Variants in SMPD3 observed in about 807,000 individuals in gnomAD.
SMPD3 encodes the protein nSMase-2.
A neutral mutation model predicts 55.7 loss-of-function variants in SMPD3; 21 were observed. The ratio of observed to expected loss-of-function variants is 0.38; its 90% CI spans 0.27 to 0.54. The LOEUF is 0.54. Among genes scored for constraint, SMPD3 ranks in the 20% least tolerant of loss-of-function variants. The pLI is 0.80. For synonymous variants in SMPD3, 457 were observed against 404.3 expected (o/e 1.13, Z -1.56); for missense variants, 842 against 899.6 (o/e 0.94, Z 0.82).
At chr16:68,402,540 G>C (rs956759482) in intron 1 of SMPD3, among the ~76,000 whole-genome samples, 4 of 152,134 alleles carry the variant, frequency 2.6e-5, no homozygotes, top group Admixed American at 2.6e-4. Flanking sequence ...GTAGTGATTT[G>C]TTATATAGCA....
At chr16:68,387,217 C>A (rs1393843441) in intron 1 of SMPD3, among the ~76,000 whole-genome samples, 1 of 151,984 alleles carries the variant, frequency 6.6e-6, no homozygotes, top group Non-Finnish European at 1.5e-5. Context: ...TTGAGAGGAA[C>A]CAAAGGGATT....
intron 4 of SMPD3, 25 bp downstream of exon 4, chr16:68,364,992 A>G: frequency 1.2e-6 from 2 of 1,614,064 alleles, no homozygotes; most frequent in Non-Finnish European, 1.7e-6. Context: ...TGCCTAGAAA[A>G]AACACAGGTG....
chr16:68,413,212 C>G (rs534607928), intron 1 of SMPD3, among the ~76,000 whole-genome samples: 12 of 152,358 alleles, frequency 7.9e-5, no homozygotes, highest in Admixed American at 7.8e-4. Flanking sequence ...GTCCCATCAG[C>G]TCACTGTGGG....
chr16:68,411,839 T>C (rs1245401153), intron 1 of SMPD3, among the ~76,000 whole-genome samples: 1 of 152,078 alleles, frequency 6.6e-6, no homozygotes, highest in Non-Finnish European at 1.5e-5. Context: ...CATCAAAAAG[T>C]GCTGAAGACT....
At chr16:68,424,360 G>T (rs1218009192) in intron 1 of SMPD3, among the ~76,000 whole-genome samples, 1 of 152,016 alleles carries the variant, frequency 6.6e-6, no homozygotes, top group Non-Finnish European at 1.5e-5. Context: ...GGGGCCGTAG[G>T]GGGAATAAGC....
chr16:68,429,622 G>A (rs903248978), intron 1 of SMPD3, among the ~76,000 whole-genome samples: 2 of 152,218 alleles, frequency 1.3e-5, no homozygotes, highest in African/African-American at 4.8e-5. Context: ...AGCCCAGCTG[G>A]GGAGGGGTGG....
In SMPD3 at chr16:68,360,301, T is replaced by G. The variant is rs1245038128; in HGVS notation, c.*905A>C. The stretch of plus-strand genomic sequence containing the variant: ...AGCTACAAATAGATTATTTTCAAAA[T>G]CAGGATCCCCCCCACCCCCGTTTAT... On this transcript the variant is annotated 3_prime_UTR_variant, in exon 9 of 9. Coordinates refer to ENST00000219334, the MANE Select transcript of SMPD3 (RefSeq NM_018667.4). 1 of 152,276 alleles carries G rather than the reference T, an allele frequency of 6.6e-6. No individual in the cohort carries two copies. Among genetic ancestry groups the G allele is most frequent in the Non-Finnish European group, 1.5e-5 (1 of 68,046 alleles). 9.4% of individuals were successfully genotyped at this position (152,276 alleles called of 1,614,324 possible).
At chr16:68,421,727 TCGACCC>T (rs1165534735) in intron 1 of SMPD3, among the ~76,000 whole-genome samples, 1 of 152,212 alleles carries the variant, frequency 6.6e-6, no homozygotes, top group Non-Finnish European at 1.5e-5. Context: ...ACCATTGAGT[TCGACCC>T]ATTAAAGAGT....
At chr16:68,398,920 C>T (rs991427259) in intron 1 of SMPD3, among the ~76,000 whole-genome samples, 4 of 152,148 alleles carry the variant, frequency 2.6e-5, no homozygotes, top group African/African-American at 4.8e-5. Context: ...TTCTGTTCCC[C>T]GCTCCAGGTC....
At chr16:68,382,862 G>T (rs2089977592) in intron 2 of SMPD3, among the ~76,000 whole-genome samples, 1 of 152,124 alleles carries the variant, frequency 6.6e-6, no homozygotes, top group African/African-American at 2.4e-5. Flanking sequence ...TTGTTTTGGA[G>T]ATGGAGTCTC....
chr16:68,370,874 T>C lies in SMPD3; in HGVS notation c.1308A>G (p.Gly436=). 6.2e-7 allele frequency: 1 copy of C among 1,613,588 alleles called. No homozygotes were observed. The change falls in exon 3 of 9, where the codon GGA becomes GGG. Residue 436 remains glycine, a synonymous_variant. Transcript: ENST00000219334. ...KCNDDALASK[G]ALFLKVQVGS... The stretch of plus-strand genomic sequence containing the variant: ...GGTCTCCTACCTTGAGAAACAGAGC[T>C]CCCTTAGAGGCCAGGGCATCGTCGT...
At chr16:68,366,941 G>A (rs2089496368) in intron 3 of SMPD3, among the ~76,000 whole-genome samples, 1 of 151,814 alleles carries the variant, frequency 6.6e-6, no homozygotes, top group South Asian at 2.1e-4. Flanking sequence ...CTTGGAGGCG[G>A]AGGTCACAGT....
chr16:68,410,760 A>G (rs2090292835), intron 1 of SMPD3, among the ~76,000 whole-genome samples: 1 of 152,252 alleles, frequency 6.6e-6, no homozygotes, highest in Admixed American at 6.5e-5. Flanking sequence ...GACACAGAGA[A>G]GGACTTAAAT....
intron 8 of SMPD3, 127 bp downstream of exon 8, chr16:68,361,476 G>A (rs766680745): frequency 2.1e-6 from 3 of 1,434,902 alleles, no homozygotes; most frequent in Non-Finnish European, 2.9e-6. Context: ...GGGTCTGAGG[G>A]AGTGATGGGT....
chr16:68,435,828 A>G (rs1336118636), intron 1 of SMPD3, among the ~76,000 whole-genome samples: 2 of 152,242 alleles, frequency 1.3e-5, no homozygotes, highest in Non-Finnish European at 2.9e-5. Context: ...TGCACTGGTC[A>G]GTGCTATGGC....
At chr16:68,444,482 C>T (rs1180084362) in intron 1 of SMPD3, among the ~76,000 whole-genome samples, 1 of 151,550 alleles carries the variant, frequency 6.6e-6, no homozygotes, top group African/African-American at 2.4e-5. Context: ...CAAGATTTAC[C>T]AAATCTTAGG....
chr16:68,371,304 C>A lies in SMPD3; in HGVS notation c.878G>T (p.Gly293Val). 1 of 1,600,816 alleles carries A rather than the reference C, an allele frequency of 6.2e-7. No individual in the cohort carries two copies. Among genetic ancestry groups the A allele is most frequent in the Admixed American group, 1.7e-5 (1 of 59,752 alleles). ...NQQDGDSGSL[G>V]SPSASRESLV... ...GGACTCCCGGGAGGCCGAGGGGCTG[C>A]CCAGGCTCCCTGAATCCCCGTCCTG... Residue 293 changes from glycine to valine, a missense_variant, in exon 3 of 9, where the codon GGC becomes GTC. This residue lies in a region of SMPD3 where 649 missense variants were observed against 643.6 expected (regional missense o/e 1.01). Transcript: ENST00000219334.
At chr16:68,439,513 C>T (rs1303940) in intron 1 of SMPD3, among the ~76,000 whole-genome samples, 114,118 of 152,156 alleles carry the variant, frequency 0.75, 43,319 homozygotes, top group East Asian at 0.88. Context: ...AAGTCAGGGG[C>T]CTCCCAACAG....
At chr16:68,367,095 G>A (rs929587629) in intron 3 of SMPD3, among the ~76,000 whole-genome samples, 1 of 152,174 alleles carries the variant, frequency 6.6e-6, no homozygotes, top group African/African-American at 2.4e-5. Context: ...TTGGACCTGG[G>A]GGGCGGAGGT....
Sources: allele counts gnomAD v4.1 joint callset (sites outside exome capture counted in the v4.1 genomes callset), GRCh38; gene constraint gnomAD v4.1.1; regional missense constraint gnomAD v4.1.1; transcripts MANE v1.5; gene names NCBI Gene and HGNC (gene_info 2026-07-23, HGNC 2026-07-21).